The following PTPRD variants were observed in gnomAD, a reference collection of about 807,000 sequenced individuals.
The protein encoded by PTPRD is protein tyrosine phosphatase receptor type D, also known as receptor-type tyrosine-protein phosphatase delta.
A neutral mutation model predicts 214.5 loss-of-function variants in PTPRD; 34 were observed. The observed-to-expected ratio is 0.16, with a 90% CI of 0.12 to 0.21. The LOEUF is 0.21. PTPRD is among the 10% of genes least tolerant of loss of function. The pLI, the probability that PTPRD is intolerant of heterozygous loss-of-function variation, is 1.00. For missense variants in PTPRD, 2,545 were observed against 2,398.7 expected, an observed-to-expected ratio of 1.06 and a Z score of -1.27; for synonymous variants, 1,128 against 845.7, an observed-to-expected ratio of 1.33 and a Z score of -5.79.
At chr9:9,373,556 G>A (rs1172016366) in intron 9 of PTPRD, among the ~76,000 whole-genome samples, 1 of 152,028 alleles carries the variant, frequency 6.6e-6, no homozygotes, top group African/African-American at 2.4e-5. Flanking sequence ...TTAATTTCTT[G>A]TCTCATCTAA....
At chr9:9,455,758 A>G (rs1180332675) in intron 8 of PTPRD, among the ~76,000 whole-genome samples, 3 of 151,706 alleles carry the variant, frequency 2.0e-5, no homozygotes, top group Admixed American at 6.6e-5. Context: ...ACTCTTTTTG[A>G]CTTCAATATA....
chr9:9,626,117 G>A (rs557759527), intron 7 of PTPRD, among the ~76,000 whole-genome samples: 1 of 152,250 alleles, frequency 6.6e-6, no homozygotes, highest in African/African-American at 2.4e-5. Flanking sequence ...ATCAACGTGT[G>A]GTCTAGAATT....
At chr9:9,416,822 C>T (rs1244992870) in intron 8 of PTPRD, among the ~76,000 whole-genome samples, 1 of 152,152 alleles carries the variant, frequency 6.6e-6, no homozygotes, top group Non-Finnish European at 1.5e-5. Context: ...AGCCATAAAC[C>T]AGCTTCTGTT....
intron 37 of PTPRD, among the ~76,000 whole-genome samples, chr9:8,388,126 T>A (rs972887414): frequency 1.3e-5 from 2 of 152,086 alleles, no homozygotes; most frequent in Non-Finnish European, 2.9e-5. Flanking sequence ...TTTCCCACCT[T>A]TGAGGTTACA....
At chr9:9,882,090 C>A (rs1451238838) in intron 5 of PTPRD, among the ~76,000 whole-genome samples, 1 of 152,062 alleles carries the variant, frequency 6.6e-6, no homozygotes, top group African/African-American at 2.4e-5. Context: ...ATTAAGATTT[C>A]CAATGACCTG....
rs149069728 is a variant in PTPRD, at chr9:8,532,216, T to G, written c.353-3437A>C. On this transcript the variant is annotated intron_variant, in intron 14 of 45. Transcript: ENST00000381196. ...CTGTTACACGTTGACAGTTGTGGCT[T>G]GTTTCCAATTTGACTGTCAGGTATT... Among the ~76,000 whole-genome samples, 101 of 152,208 alleles carry G rather than the reference T, an allele frequency of 6.6e-4. 1 individual carries two copies. The highest frequency in any genetic ancestry group is 3.3e-3 in the Admixed American group (50 of 15,256).
intron 5 of PTPRD, among the ~76,000 whole-genome samples, chr9:9,869,122 G>C (rs2064780350): frequency 6.6e-6 from 1 of 152,032 alleles, no homozygotes; most frequent in Non-Finnish European, 1.5e-5. Flanking sequence ...CACCATTGGA[G>C]GTAAAATGAG....
chr9:8,934,484 TATATATATAA>T (rs1274536221), intron 11 of PTPRD, among the ~76,000 whole-genome samples: 1,340 of 15,686 alleles, frequency 0.085, 186 homozygotes, highest in African/African-American at 0.17. Flanking sequence ...TATAAATATA[TATATATATAA>T]ATATATATAT....
intron 3 of PTPRD, among the ~76,000 whole-genome samples, chr9:10,167,861 C>G (rs1386625423): frequency 2.6e-5 from 4 of 152,040 alleles, no homozygotes; most frequent in Non-Finnish European, 2.9e-5. Flanking sequence ...CACCTTCTCC[C>G]TATATAGCTG....
intron 39 of PTPRD, among the ~76,000 whole-genome samples, chr9:8,363,582 T>C (rs899264175): frequency 2.2e-4 from 34 of 152,206 alleles, no homozygotes; most frequent in Non-Finnish European, 4.1e-4. Flanking sequence ...GGGTTGTACT[T>C]GGGGGTTTTG....
At chr9:9,326,134 A>G (rs546362803) in intron 9 of PTPRD, among the ~76,000 whole-genome samples, 3 of 152,180 alleles carry the variant, frequency 2.0e-5, no homozygotes, top group African/African-American at 7.2e-5. Flanking sequence ...TGATATAACT[A>G]TGAGGGTTGA....
chr9:8,798,320 T>C (rs1455564520), intron 11 of PTPRD, among the ~76,000 whole-genome samples: 1 of 152,156 alleles, frequency 6.6e-6, no homozygotes, highest in Non-Finnish European at 1.5e-5. Flanking sequence ...ATAATCAAGA[T>C]AATCATCACT....
chr9:8,414,661 CT>C (rs2093768903), intron 35 of PTPRD, among the ~76,000 whole-genome samples: 1 of 151,836 alleles, frequency 6.6e-6, no homozygotes, highest in Non-Finnish European at 1.5e-5. Context: ...CAGTTTACAC[CT>C]ACTGTCCCAG....
rs749802631 is a variant in PTPRD, at chr9:8,359,107, C to CAAAAAAAAAAAAAAAAAAAAAA, written c.4661+16828_4661+16829insTTTTTTTTTTTTTTTTTTTTTT. ...TGGGCCACAGAGCGAGACTCCGTCT[C>CAAAAAAAAAAAAAAAAAAAAAA]AAAAAAAAAAAAAAACAAAAAAAAA... On this transcript the variant is annotated intron_variant, in intron 39 of 45. Transcript: ENST00000381196. Among the ~76,000 whole-genome samples, 2 of 9,836 alleles carry CAAAAAAAAAAAAAAAAAAAAAA rather than the reference C, an allele frequency of 2.0e-4. 1 individual carries two copies. Among genetic ancestry groups the CAAAAAAAAAAAAAAAAAAAAAA allele is most frequent in the African/African-American group, 1.0e-3 (2 of 1,946 alleles). 6.5% of individuals were successfully genotyped at this position (9,836 alleles called of 152,430 possible).
chr9:10,353,233 A>G (rs1334438888), intron 2 of PTPRD, among the ~76,000 whole-genome samples: 2 of 151,934 alleles, frequency 1.3e-5, no homozygotes, highest in African/African-American at 4.8e-5. Context: ...TTGTGGTCAT[A>G]TTAATGGTGT....
chr9:8,513,487 A>C (rs1238473743), intron 21 of PTPRD, among the ~76,000 whole-genome samples: 1 of 152,102 alleles, frequency 6.6e-6, no homozygotes, highest in Non-Finnish European at 1.5e-5. Flanking sequence ...AAAGATAATA[A>C]AATTAAATGA....
At chr9:9,056,894 G>C (rs945197947) in intron 10 of PTPRD, among the ~76,000 whole-genome samples, 1 of 152,184 alleles carries the variant, frequency 6.6e-6, no homozygotes, top group African/African-American at 2.4e-5. Context: ...TCAGGATGAT[G>C]CTTACATTGA....
At chr9:9,171,192 C>T (rs180716755) in intron 10 of PTPRD, among the ~76,000 whole-genome samples, 8 of 151,978 alleles carry the variant, frequency 5.3e-5, no homozygotes, top group Non-Finnish European at 7.4e-5. Context: ...TCTTGTGGAA[C>T]GGGAAAAGCT....
intron 10 of PTPRD, among the ~76,000 whole-genome samples, chr9:9,041,552 T>C (rs946591202): frequency 9.9e-5 from 15 of 152,230 alleles, no homozygotes; most frequent in Admixed American, 4.6e-4. Context: ...ATCTCATTCT[T>C]TTTGATGGCT....
Sources: allele counts gnomAD v4.1 joint callset (sites outside exome capture counted in the v4.1 genomes callset), GRCh38; gene constraint gnomAD v4.1.1; transcripts MANE v1.5; gene names NCBI Gene and HGNC (gene_info 2026-07-23, HGNC 2026-07-21).